USH2A: variants seen among roughly 807,000 people sequenced by gnomAD.
USH2A encodes the protein Usher syndrome 2A (autosomal recessive, mild).
USH2A carries 443 observed loss-of-function variants against 538.9 expected under a neutral mutation model. The ratio of observed to expected loss-of-function variants is 0.82; its 90% CI spans 0.76 to 0.89. USH2A has a LOEUF of 0.89. USH2A is among the 40% of genes least tolerant of loss of function. The pLI, the probability that USH2A is intolerant of heterozygous loss-of-function variation, is 0.00. For synonymous variants in USH2A, 2,413 were observed against 2,273.5 expected, an observed-to-expected ratio of 1.06 and a Z score of -1.75; for missense variants, 6,633 against 6,324.8, an observed-to-expected ratio of 1.05 and a Z score of -1.65.
chr1:216,050,604 C>CTTTCTT (rs1195871302), intron 30 of USH2A, among the ~76,000 whole-genome samples: 11 of 68,594 alleles, frequency 1.6e-4, no homozygotes, highest in African/African-American at 5.3e-4. Flanking sequence ...TTCTTTCTTT[C>CTTTCTT]TTTTTTTTTT....
chr1:215,944,618 C>T (rs190236950), intron 37 of USH2A, among the ~76,000 whole-genome samples: 3 of 152,198 alleles, frequency 2.0e-5, no homozygotes, highest in Non-Finnish European at 1.5e-5. Context: ...TCCCCTAATT[C>T]CACATGCCTA....
At chr1:216,400,740 G>A (rs1042976427) in intron 3 of USH2A, among the ~76,000 whole-genome samples, 5 of 152,124 alleles carry the variant, frequency 3.3e-5, no homozygotes, top group Admixed American at 6.5e-5. Flanking sequence ...AATGACAACA[G>A]ATTTCTCATC....
intron 38 of USH2A, among the ~76,000 whole-genome samples, chr1:215,918,617 T>C (rs1251786077): frequency 1.3e-5 from 2 of 152,114 alleles, no homozygotes; most frequent in African/African-American, 4.8e-5. Context: ...CAAGACAGCA[T>C]CCCTTACCTC....
intron 69 of USH2A, among the ~76,000 whole-genome samples, chr1:215,637,086 T>C (rs1656518906): frequency 6.6e-6 from 1 of 151,978 alleles, no homozygotes; most frequent in Non-Finnish European, 1.5e-5. Context: ...GGTTTGAAAC[T>C]CTGGTGGCTG....
At chr1:216,371,825 A>T (rs968147613) in intron 3 of USH2A, among the ~76,000 whole-genome samples, 1 of 152,218 alleles carries the variant, frequency 6.6e-6, no homozygotes, top group Non-Finnish European at 1.5e-5. Context: ...AAACAACAAC[A>T]TGAACTATGT....
intron 17 of USH2A, 74 bp from the exon 18 acceptor site, chr1:216,198,658 G>C: frequency 7.2e-7 from 1 of 1,385,914 alleles, no homozygotes; most frequent in South Asian, 1.2e-5. Context: ...GTAGGGACAG[G>C]TCAGTTAAAG....
At chr1:216,244,678 CA>C (rs2036001970) in intron 13 of USH2A, among the ~76,000 whole-genome samples, 1 of 152,092 alleles carries the variant, frequency 6.6e-6, no homozygotes, top group Non-Finnish European at 1.5e-5. Flanking sequence ...ATATGCAAAA[CA>C]ACCAGAAAAA....
chr1:215,891,524 T>TA (rs1478783441), intron 40 of USH2A, among the ~76,000 whole-genome samples: 1 of 152,164 alleles, frequency 6.6e-6, no homozygotes, highest in African/African-American at 2.4e-5. Context: ...AAAACATGAG[T>TA]AATAACTATA....
In USH2A at chr1:215,931,418, A is replaced by T. The variant is rs76332439; in HGVS notation, c.7300+3198T>A. Among the ~76,000 whole-genome samples, 520 of 152,018 alleles carry T rather than the reference A, an allele frequency of 3.4e-3. 4 individuals carry two copies. The highest frequency in any genetic ancestry group is 0.012 in the African/African-American group (501 of 41,488). The stretch of plus-strand genomic sequence containing the variant: ...ACTAAGGATTGTTTATTCTATGCTC[A>T]CCTGAGAAAAGTAACCACTATAGGG... On this transcript the variant is annotated intron_variant, in intron 38 of 71. Transcript: ENST00000307340.
chr1:215,662,939 C>A (rs1657489951), intron 64 of USH2A, among the ~76,000 whole-genome samples: 1 of 152,150 alleles, frequency 6.6e-6, no homozygotes, highest in African/African-American at 2.4e-5. Flanking sequence ...GTAAGGGTGA[C>A]AGCAATAGAA....
At chr1:216,196,161 A>G (rs1223433867) in intron 19 of USH2A, among the ~76,000 whole-genome samples, 1 of 152,164 alleles carries the variant, frequency 6.6e-6, no homozygotes. Flanking sequence ...AAGTTTTATC[A>G]ATGTTATTTA....
chr1:215,908,869 CT>C (rs555329453), intron 38 of USH2A, among the ~76,000 whole-genome samples: 1 of 151,424 alleles, frequency 6.6e-6, no homozygotes, highest in Non-Finnish European at 1.5e-5. Context: ...TATTAGTTGA[CT>C]AATTGTTTTC....
chr1:215,709,196 T>C (rs550486210), intron 61 of USH2A, among the ~76,000 whole-genome samples: 7 of 152,332 alleles, frequency 4.6e-5, no homozygotes, highest in African/African-American at 2.4e-5. Flanking sequence ...TCTTTCAGTG[T>C]GTATTGTGCC....
chr1:215,803,572 A>T (rs540447439), intron 49 of USH2A, among the ~76,000 whole-genome samples: 21 of 152,316 alleles, frequency 1.4e-4, no homozygotes, highest in Non-Finnish European at 2.4e-4. Context: ...AATCCAACTT[A>T]CAAGGGATGT....
chr1:216,133,617 C>T (rs919806742), intron 21 of USH2A, among the ~76,000 whole-genome samples: 34 of 152,020 alleles, frequency 2.2e-4, no homozygotes, highest in African/African-American at 7.5e-4. Context: ...CATTTAGCTC[C>T]GACATGGAAA....
At chr1:216,148,218 T>C (rs2033753419) in intron 21 of USH2A, among the ~76,000 whole-genome samples, 2 of 151,736 alleles carry the variant, frequency 1.3e-5, no homozygotes. Context: ...TCTAAACCTC[T>C]TAAAACTCCC....
At chr1:216,328,807 T>C (rs1427202669) in intron 4 of USH2A, among the ~76,000 whole-genome samples, 1 of 152,024 alleles carries the variant, frequency 6.6e-6, no homozygotes, top group Admixed American at 6.6e-5. Flanking sequence ...AGAGTATGTG[T>C]CTGTGTGTGA....
At chr1:215,677,243 C>T (rs150370309) in intron 62 of USH2A, among the ~76,000 whole-genome samples, 3 of 152,154 alleles carry the variant, frequency 2.0e-5, no homozygotes, top group Admixed American at 6.5e-5. Flanking sequence ...GCCACCTAAG[C>T]GCTGTATCCC....
At chr1:215,799,543 A>G (rs949532987) in intron 49 of USH2A, among the ~76,000 whole-genome samples, 1 of 152,210 alleles carries the variant, frequency 6.6e-6, no homozygotes, top group African/African-American at 2.4e-5. Context: ...TCAACCAAAC[A>G]AAATACTCCC....
Sources: allele counts gnomAD v4.1 joint callset (sites outside exome capture counted in the v4.1 genomes callset), GRCh38; gene constraint gnomAD v4.1.1; transcripts MANE v1.5; gene names NCBI Gene and HGNC (gene_info 2026-07-23, HGNC 2026-07-21).